The following ZFHX3 variants were observed in gnomAD, a reference collection of about 807,000 sequenced individuals.
ZFHX3 encodes the protein zinc finger homeobox protein 3.
ZFHX3 carries 42 observed loss-of-function variants against 279.1 expected under a neutral mutation model. The ratio of observed to expected loss-of-function variants is 0.15; its 90% CI spans 0.12 to 0.19. The LOEUF is 0.19. Ranked by LOEUF, ZFHX3 falls within the 10% of genes least tolerant of loss-of-function variation. The pLI, the probability that ZFHX3 is intolerant of heterozygous loss-of-function variation, is 1.00. For missense variants in ZFHX3, 4,981 were observed against 4,754.0 expected, an observed-to-expected ratio of 1.05 and a Z score of -1.40; for synonymous variants, 2,293 against 1,957.8, an observed-to-expected ratio of 1.17 and a Z score of -4.52.
chr16:73,342,591 T>C (rs757037707), intron 3 of ZFHX3, among the ~76,000 whole-genome samples: 1 of 152,294 alleles, frequency 6.6e-6, no homozygotes, highest in Non-Finnish European at 1.5e-5. Context: ...GTATTCTCTA[T>C]TTTTTATAAG....
chr16:72,891,815 T>G (rs2038779814), intron 3 of ZFHX3, among the ~76,000 whole-genome samples: 1 of 152,234 alleles, frequency 6.6e-6, no homozygotes, highest in Admixed American at 6.5e-5. Context: ...CAGCCAAGCC[T>G]GGCCCATGGA....
chr16:73,807,932 G>C (rs1020212788), intron 1 of ZFHX3, among the ~76,000 whole-genome samples: 4 of 151,790 alleles, frequency 2.6e-5, no homozygotes, highest in Admixed American at 6.6e-5. Context: ...TCATGAACTT[G>C]GTACCATTAT....
chr16:72,875,099 T>C (rs2038275697), intron 4 of ZFHX3, among the ~76,000 whole-genome samples: 1 of 152,230 alleles, frequency 6.6e-6, no homozygotes, highest in African/African-American at 2.4e-5. Flanking sequence ...GTTTGTTCCG[T>C]TTTAGTGCTC....
At chr16:73,050,223 T>C (rs1427286074), upstream of ZFHX3, among the ~76,000 whole-genome samples, 1 of 152,224 alleles carries the variant, frequency 6.6e-6, no homozygotes, top group Non-Finnish European at 1.5e-5. Flanking sequence ...GAACAAGCTA[T>C]TAAAGTAACC....
rs2035218745 is a variant in ZFHX3, at chr16:72,783,604, A to AGAT, written c.*3557_*3559dup. On this transcript the variant is annotated 3_prime_UTR_variant, in exon 10 of 10. Coordinates refer to ENST00000268489, the MANE Select transcript of ZFHX3 (RefSeq NM_006885.4). ...GCTTGTAATTAAAAAAAAAATTCCT[A>AGAT]GATGTATTAAATTTTTCCTTGTGTA... is the stretch of plus-strand genomic sequence containing the variant. 6.6e-6 allele frequency: 1 copy of AGAT among 152,168 alleles called. No homozygotes were observed. The highest frequency in any genetic ancestry group is 1.5e-5 in the Non-Finnish European group (1 of 68,026). The allele number at this position is 152,168 out of a possible 1,614,324, so 9.4% of individuals were successfully genotyped here. A position where few individuals can be genotyped will look rare whatever the true frequency, so the allele number is the denominator to read the frequency against.
At chr16:73,706,454 C>G (rs2053305506) in intron 1 of ZFHX3, among the ~76,000 whole-genome samples, 2 of 39,738 alleles carry the variant, frequency 5.0e-5, no homozygotes, top group African/African-American at 1.4e-4. Context: ...GAAACTCTAT[C>G]TCAAAAAAAA....
At chr16:73,332,060 C>T (rs897032558) in intron 3 of ZFHX3, among the ~76,000 whole-genome samples, 1 of 152,176 alleles carries the variant, frequency 6.6e-6, no homozygotes, top group Non-Finnish European at 1.5e-5. Context: ...GACAACGTGG[C>T]TTTTATAGAG....
At chr16:73,072,189 G>A (rs567630728) in intron 8 of ZFHX3, among the ~76,000 whole-genome samples, 2 of 152,272 alleles carry the variant, frequency 1.3e-5, no homozygotes, top group South Asian at 2.1e-4. Context: ...GGTGGCTCAC[G>A]CCTTTAATCC....
At chr16:73,874,719 C>T (rs1011592906) in intron 1 of ZFHX3, among the ~76,000 whole-genome samples, 5 of 152,136 alleles carry the variant, frequency 3.3e-5, no homozygotes, top group Non-Finnish European at 5.9e-5. Context: ...TAAAAAATAT[C>T]TCAAGTACAC....
chr16:73,664,268 T>C (rs193207959), intron 2 of ZFHX3, among the ~76,000 whole-genome samples: 18 of 152,290 alleles, frequency 1.2e-4, no homozygotes, highest in Admixed American at 1.0e-3. Flanking sequence ...TGAGATGGGC[T>C]AGCACTATTT....
intron 4 of ZFHX3, among the ~76,000 whole-genome samples, chr16:72,835,692 CTG>C (rs1165239914): frequency 6.6e-6 from 1 of 152,176 alleles, no homozygotes; most frequent in East Asian, 1.9e-4. Flanking sequence ...GCTGGTGTCT[CTG>C]TGGTGGGTGG....
Position 72,796,451 on chromosome 16 carries a change from T to C in ZFHX3, c.6231A>G (p.Ala2077=). The change falls in exon 9 of 10, where the codon GCA becomes GCG. Residue 2077 remains alanine, a synonymous_variant. Transcript: ENST00000268489. ...TGAGCGGCACTGATGGCTGGGCCGG[T>C]GCAATTGTAGGTGAGGTGATGGGTG... ...SAPPITSPTI[A]PAQPSVPLTQ... 1.2e-6 allele frequency: 2 copies of C among 1,606,964 alleles called. No individual in the cohort carries two copies. Among genetic ancestry groups the C allele is most frequent in the Non-Finnish European group, 8.5e-7 (1 of 1,179,544 alleles).
At chr16:73,874,791 A>C (rs1321077835) in intron 1 of ZFHX3, among the ~76,000 whole-genome samples, 1 of 152,210 alleles carries the variant, frequency 6.6e-6, no homozygotes, top group Non-Finnish European at 1.5e-5. Flanking sequence ...CTTTCTGTTT[A>C]GGGTAGATTA....
At chr16:72,935,731 C>T (rs1960087179) in intron 3 of ZFHX3, among the ~76,000 whole-genome samples, 1 of 129,376 alleles carries the variant, frequency 7.7e-6, no homozygotes, top group South Asian at 2.4e-4. Context: ...GACACTCTGT[C>T]TTAAAAAAAA....
At chr16:73,275,614 A>C (rs1032289553) in intron 4 of ZFHX3, among the ~76,000 whole-genome samples, 1 of 152,218 alleles carries the variant, frequency 6.6e-6, no homozygotes, top group Non-Finnish European at 1.5e-5. Context: ...TGAGTCACAC[A>C]ATCTTTTTGG....
intron 2 of ZFHX3, chr16:73,483,199 C>A (rs902878405): frequency 5.8e-6 from 2 of 345,254 alleles, no homozygotes; most frequent in Non-Finnish European, 1.1e-5. Flanking sequence ...AGGAAGAGAA[C>A]GCGTGGGCCC....
At chr16:72,792,016 A>G (rs2035723377) in intron 9 of ZFHX3, among the ~76,000 whole-genome samples, 1 of 152,178 alleles carries the variant, frequency 6.6e-6, no homozygotes, top group African/African-American at 2.4e-5. Context: ...TCCTTTGGTG[A>G]ACTGGAACTA....
chr16:73,125,825 TACAC>T (rs531378895), intron 7 of ZFHX3, among the ~76,000 whole-genome samples: 1 of 151,740 alleles, frequency 6.6e-6, no homozygotes, highest in African/African-American at 2.4e-5. Context: ...TGCATATATA[TACAC>T]ACACACACAT....
At chr16:73,768,277 A>G (rs573035831) in intron 1 of ZFHX3, among the ~76,000 whole-genome samples, 122 of 152,280 alleles carry the variant, frequency 8.0e-4, no homozygotes, top group Non-Finnish European at 1.4e-3. Flanking sequence ...ACCCACTAAC[A>G]TGGCCTACTC....
Sources: allele counts gnomAD v4.1 joint callset (sites outside exome capture counted in the v4.1 genomes callset), GRCh38; gene constraint gnomAD v4.1.1; transcripts MANE v1.5; gene names NCBI Gene and HGNC (gene_info 2026-07-23, HGNC 2026-07-21).